CHST11: variants seen among roughly 807,000 people sequenced by gnomAD.
CHST11 encodes carbohydrate sulfotransferase 11, also known as C4S-1.
A neutral mutation model predicts 30.4 loss-of-function variants in CHST11; 9 were observed. The observed-to-expected ratio is 0.30, with a 90% CI of 0.18 to 0.52. CHST11 has a LOEUF of 0.52. Among genes scored for constraint, CHST11 ranks in the 20% least tolerant of loss-of-function variants. The pLI, the probability that CHST11 is intolerant of heterozygous loss-of-function variation, is 0.97. For synonymous variants in CHST11, 152 were observed against 187.8 expected, an observed-to-expected ratio of 0.81 and a Z score of 1.56; for missense variants, 348 against 460.6, an observed-to-expected ratio of 0.76 and a Z score of 2.24.
intron 1 of CHST11, among the ~76,000 whole-genome samples, chr12:104,492,800 G>T (rs1042876806): frequency 6.6e-6 from 1 of 152,188 alleles, no homozygotes; most frequent in Admixed American, 6.5e-5. Context: ...TTGGGAGACC[G>T]AGGCGGGCAG....
At chr12:104,646,755 G>A (rs923484746) in intron 2 of CHST11, among the ~76,000 whole-genome samples, 15 of 152,192 alleles carry the variant, frequency 9.9e-5, no homozygotes, top group African/African-American at 3.4e-4. Flanking sequence ...CAGACTCTAA[G>A]CTCAGTGAAG....
rs532672581 is a variant in CHST11, at chr12:104,559,130, G to T, written c.119-42776G>T. ...GAACAGGGACGGTGTTGTCTTTTCT[G>T]TGCTTCCAGAACACCATGGGACTCT... On this transcript the variant is annotated intron_variant, in intron 1 of 2. Coordinates refer to ENST00000303694, the MANE Select transcript of CHST11 (RefSeq NM_018413.6). Among the ~76,000 whole-genome samples the T allele has an allele frequency of 3.6e-4, 55 of 151,878 alleles. No homozygotes were observed. The South Asian group carries it at 5.6e-3, about 16-fold the overall frequency.
intron 2 of CHST11, among the ~76,000 whole-genome samples, chr12:104,622,919 T>C (rs1555237777): frequency 6.6e-6 from 1 of 152,202 alleles, no homozygotes; most frequent in Non-Finnish European, 1.5e-5. Context: ...TGATTGTCCA[T>C]GCATTAAGAG....
chr12:104,736,222 G>C (rs1220096369), intron 2 of CHST11, among the ~76,000 whole-genome samples: 1 of 152,138 alleles, frequency 6.6e-6, no homozygotes, highest in Non-Finnish European at 1.5e-5. Context: ...TACCATCCCT[G>C]TGCCTACAGA....
At chr12:104,722,277 A>G (rs973841393) in intron 2 of CHST11, among the ~76,000 whole-genome samples, 1 of 152,106 alleles carries the variant, frequency 6.6e-6, no homozygotes, top group Non-Finnish European at 1.5e-5. Context: ...TGCTGGAATT[A>G]CAGATGCGAG....
intron 2 of CHST11, among the ~76,000 whole-genome samples, chr12:104,621,187 C>T (rs2039155630): frequency 6.6e-6 from 1 of 152,176 alleles, no homozygotes; most frequent in Admixed American, 6.5e-5. Context: ...ACCACAGCCC[C>T]CAGTTTGTGG....
At chr12:104,469,015 ATGT>A (rs1327883302) in intron 1 of CHST11, among the ~76,000 whole-genome samples, 1 of 152,234 alleles carries the variant, frequency 6.6e-6, no homozygotes, top group Non-Finnish European at 1.5e-5. Flanking sequence ...CAGTATAAAC[ATGT>A]TGTTGTTATG....
chr12:104,609,144 T>C (rs2039034278), intron 2 of CHST11, among the ~76,000 whole-genome samples: 1 of 152,196 alleles, frequency 6.6e-6, no homozygotes, highest in African/African-American at 2.4e-5. Flanking sequence ...CTTTGTACTG[T>C]CCCCAACTCT....
intron 2 of CHST11, among the ~76,000 whole-genome samples, chr12:104,704,278 T>C (rs2040014391): frequency 6.6e-6 from 1 of 152,164 alleles, no homozygotes; most frequent in East Asian, 1.9e-4. Context: ...TCTGGCTCCG[T>C]GCTCAGGGAG....
intron 1 of CHST11, among the ~76,000 whole-genome samples, chr12:104,592,020 T>C (rs1015686174): frequency 5.3e-5 from 8 of 152,014 alleles, no homozygotes; most frequent in African/African-American, 1.9e-4. Flanking sequence ...ATCCTGCACG[T>C]CCATTTCTTT....
At chr12:104,572,408 T>C (rs2038637357) in intron 1 of CHST11, among the ~76,000 whole-genome samples, 1 of 152,144 alleles carries the variant, frequency 6.6e-6, no homozygotes, top group African/African-American at 2.4e-5. Flanking sequence ...TATTGGTCTA[T>C]TCAGAGATTC....
At chr12:104,530,895 A>G (rs568655311) in intron 1 of CHST11, among the ~76,000 whole-genome samples, 1 of 152,342 alleles carries the variant, frequency 6.6e-6, no homozygotes, top group South Asian at 2.1e-4. Context: ...TTCATGATTT[A>G]GATGTTTCGC....
At chr12:104,743,584 T>C (rs1187626008) in intron 2 of CHST11, among the ~76,000 whole-genome samples, 2 of 152,208 alleles carry the variant, frequency 1.3e-5, no homozygotes, top group Non-Finnish European at 2.9e-5. Context: ...ACATGAAACC[T>C]AATATTCTGA....
intron 1 of CHST11, among the ~76,000 whole-genome samples, chr12:104,573,064 CCAATAA>C (rs1434101938): frequency 2.0e-5 from 3 of 152,168 alleles, no homozygotes; most frequent in Non-Finnish European, 4.4e-5. Flanking sequence ...TTCTTATACA[CCAATAA>C]CAGACAGAGA....
At chr12:104,555,973 G>C (rs1266767511) in intron 1 of CHST11, among the ~76,000 whole-genome samples, 1 of 152,184 alleles carries the variant, frequency 6.6e-6, no homozygotes, top group Admixed American at 6.5e-5. Flanking sequence ...ATCAGGTGGT[G>C]GGAGGGGCAG....
At chr12:104,576,859 T>A (rs1447129751) in intron 1 of CHST11, among the ~76,000 whole-genome samples, 2 of 152,102 alleles carry the variant, frequency 1.3e-5, no homozygotes, top group Non-Finnish European at 2.9e-5. Context: ...ACATTCACGT[T>A]CCTCCAACAT....
intron 1 of CHST11, among the ~76,000 whole-genome samples, chr12:104,527,404 G>A (rs923552964): frequency 6.6e-6 from 1 of 152,178 alleles, no homozygotes; most frequent in Admixed American, 6.5e-5. Flanking sequence ...GTCTCTGGCT[G>A]CTGTCTGCCT....
chr12:104,668,170 G>A lies in CHST11; in HGVS notation c.204+66179G>A, dbSNP rs559942344. On this transcript the variant is annotated intron_variant, in intron 2 of 2. Transcript: ENST00000303694. Reference sequence around the variant, plus strand: ...TCAGTTTACACAATAAGAAAGTGAGGACAGTATTTATGAGCACCCCTCATA... The same window carrying A: ...TCAGTTTACACAATAAGAAAGTGAGAACAGTATTTATGAGCACCCCTCATA... Among the ~76,000 whole-genome samples the A allele has an allele frequency of 5.9e-5, 9 of 152,222 alleles. No individual in the cohort carries two copies. The South Asian group carries it at 1.5e-3, about 25-fold the overall frequency.
At chr12:104,545,031 G>C (rs1435673237) in intron 1 of CHST11, among the ~76,000 whole-genome samples, 4 of 152,162 alleles carry the variant, frequency 2.6e-5, no homozygotes, top group African/African-American at 7.2e-5. Context: ...ATTCCTTTTT[G>C]TTGGGCTTGT....
Sources: gnomAD v4.1 joint callset for allele counts (sites outside exome capture counted in the v4.1 genomes callset) on GRCh38, gnomAD v4.1.1 for gene constraint, MANE v1.5 for transcripts, NCBI Gene and HGNC (gene_info 2026-07-23, HGNC 2026-07-21) for gene names.